MAGI3: variants seen among roughly 807,000 people sequenced by gnomAD.
The protein encoded by MAGI3 is membrane associated guanylate kinase, WW and PDZ domain containing 3.
MAGI3 carries 43 observed loss-of-function variants against 121.8 expected under a neutral mutation model. The ratio of observed to expected loss-of-function variants is 0.35; its 90% confidence interval spans 0.28 to 0.46. The LOEUF (loss-of-function observed/expected upper bound fraction) is 0.46, where lower values mean the gene tolerates loss of function less well. Ranked by LOEUF, MAGI3 falls within the 20% of genes least tolerant of loss-of-function variation. The pLI is 1.00. For missense variants in MAGI3, 1,547 were observed against 1,797.3 expected, an observed-to-expected ratio of 0.86 and a Z score of 2.52; for synonymous variants, 553 against 639.3, an observed-to-expected ratio of 0.86 and a Z score of 2.04.
chr1:113,520,363 A>T (rs2101625299), intron 1 of MAGI3, among the ~76,000 whole-genome samples: 1 of 152,264 alleles, frequency 6.6e-6, no homozygotes, highest in East Asian at 1.9e-4. Flanking sequence ...GAAATGAATC[A>T]GGCATGATTC....
chr1:113,474,439 T>C (rs576638181), intron 1 of MAGI3, among the ~76,000 whole-genome samples: 1 of 152,336 alleles, frequency 6.6e-6, no homozygotes, highest in South Asian at 2.1e-4. Flanking sequence ...TTAATTTTTG[T>C]ATAAGGTGTA....
chr1:113,653,769 A>G (rs758421017), intron 14 of MAGI3, 61 bp from the exon 15 acceptor site: 58 of 1,395,378 alleles, frequency 4.2e-5, no homozygotes, highest in Non-Finnish European at 2.9e-6. Context: ...GCATAAAAAC[A>G]CTTTAGTCAC....
intron 1 of MAGI3, among the ~76,000 whole-genome samples, chr1:113,544,290 T>C (rs1246688631): frequency 6.6e-6 from 1 of 152,192 alleles, no homozygotes; most frequent in African/African-American, 2.4e-5. Context: ...CCTGGTCTAA[T>C]GGAAAAGGAC....
intron 1 of MAGI3, among the ~76,000 whole-genome samples, chr1:113,480,381 G>C (rs777215969): frequency 1.3e-5 from 2 of 152,182 alleles, no homozygotes; most frequent in Non-Finnish European, 2.9e-5. Context: ...TACAGTTAAG[G>C]GCTGTCTGGC....
chr1:113,427,775 T>A (rs1653084874), intron 1 of MAGI3, among the ~76,000 whole-genome samples: 1 of 152,220 alleles, frequency 6.6e-6, no homozygotes, highest in South Asian at 2.1e-4. Flanking sequence ...AAATATTTTA[T>A]TAATTTTAAT....
At chr1:113,671,990 A>T (rs1219704446) in intron 17 of MAGI3, among the ~76,000 whole-genome samples, 154 bp downstream of exon 17, 1 of 152,196 alleles carries the variant, frequency 6.6e-6, no homozygotes, top group Admixed American at 6.5e-5. Flanking sequence ...TGTTCCTCAA[A>T]TACCGTCCCC....
intron 1 of MAGI3, among the ~76,000 whole-genome samples, chr1:113,492,475 C>T (rs1241736790): frequency 1.3e-5 from 2 of 152,194 alleles, no homozygotes; most frequent in African/African-American, 4.8e-5. Context: ...AAGATGCCCT[C>T]TCTTGGCATC....
chr1:113,418,842 A>C (rs1652589704), intron 1 of MAGI3, among the ~76,000 whole-genome samples: 1 of 152,168 alleles, frequency 6.6e-6, no homozygotes, highest in African/African-American at 2.4e-5. Context: ...TATAATGACT[A>C]GTACACTAAA....
intron 1 of MAGI3, among the ~76,000 whole-genome samples, chr1:113,428,957 G>A (rs1265694681): frequency 6.6e-6 from 1 of 152,130 alleles, no homozygotes; most frequent in African/African-American, 2.4e-5. Flanking sequence ...AATTACACTA[G>A]CTACATTTTA....
chr1:113,407,572 CTT>C lies in MAGI3; in HGVS notation c.316+16234_316+16235del, dbSNP rs60748388. On this transcript the variant is annotated intron_variant, in intron 1 of 20. Coordinates refer to ENST00000307546, the MANE Select transcript of MAGI3 (RefSeq NM_001142782.2). ...CCTATTCCTCCATCCATCAATCTGT[CTT>C]TTTTTTTTTTATGCCTTTCAATGTA... Among the ~76,000 whole-genome samples the C allele has an allele frequency of 3.3e-3, 487 of 146,956 alleles. 12 individuals carry two copies. The highest frequency in any genetic ancestry group is 0.02 in the Admixed American group (304 of 14,864).
intron 1 of MAGI3, among the ~76,000 whole-genome samples, chr1:113,487,539 A>C (rs1469158980): frequency 6.6e-6 from 1 of 152,166 alleles, no homozygotes; most frequent in African/African-American, 2.4e-5. Flanking sequence ...ACTAGGCATA[A>C]ATGTATTAAT....
rs958841816 is a variant in MAGI3 at position 113,683,037 on chromosome 1, T to C, written c.3469T>C (p.Cys1157Arg). The C allele has an allele frequency of 1.9e-6, 3 of 1,613,692 alleles. No individual in the cohort carries two copies. Among genetic ancestry groups the C allele is most frequent in the South Asian group, 1.1e-5 (1 of 91,030 alleles). The stretch of plus-strand genomic sequence containing the variant: ...TGAAGAATCTTTGAGAGTTCAGATA[T>C]GTGAAAAGGCAGAAGAATTAAAGGA... Reference protein sequence around the residue: ...VIEESLRVQICEKAEELKDIV... With the variant: ...VIEESLRVQIREKAEELKDIV... The change falls in exon 21 of 21, where the codon TGT becomes CGT. Residue 1157 changes from cysteine (C) to arginine (R), a missense_variant. Transcript: ENST00000307546.
intron 1 of MAGI3, among the ~76,000 whole-genome samples, chr1:113,513,346 T>G (rs549078216): frequency 2.7e-4 from 41 of 152,274 alleles, no homozygotes; most frequent in South Asian, 6.2e-4. Context: ...AGAACAAAGC[T>G]GGAGGCATCA....
At chr1:113,672,299 C>G (rs1647606265) in intron 17 of MAGI3, among the ~76,000 whole-genome samples, 1 of 152,110 alleles carries the variant, frequency 6.6e-6, no homozygotes, top group African/African-American at 2.4e-5. Flanking sequence ...GCAGGAGAGC[C>G]ATTTTTCACT....
At chr1:113,648,214 A>G (rs747929732) in intron 12 of MAGI3, among the ~76,000 whole-genome samples, 14 of 152,148 alleles carry the variant, frequency 9.2e-5, no homozygotes, top group Non-Finnish European at 1.2e-4. Flanking sequence ...AAGTTCTACA[A>G]TTTTAATAGG....
At chr1:113,433,924 G>A (rs1422156748) in intron 1 of MAGI3, among the ~76,000 whole-genome samples, 1 of 152,070 alleles carries the variant, frequency 6.6e-6, no homozygotes, top group Non-Finnish European at 1.5e-5. Context: ...GATTACTTAT[G>A]TATTTTCTTA....
intron 3 of MAGI3, 135 bp from the exon 4 acceptor site, chr1:113,585,252 G>A (rs1046211308): frequency 4.0e-6 from 3 of 744,990 alleles, no homozygotes; most frequent in Non-Finnish European, 6.6e-6. Context: ...ACAAGTGTGA[G>A]CCACCATGCC....
intron 1 of MAGI3, among the ~76,000 whole-genome samples, chr1:113,395,100 T>G (rs1159176633): frequency 2.1e-5 from 3 of 144,398 alleles, no homozygotes; most frequent in African/African-American, 5.1e-5. Context: ...TTTTTTTTTT[T>G]TTTTTTTTTT....
chr1:113,427,282 A>T (rs537244688), intron 1 of MAGI3, among the ~76,000 whole-genome samples: 7 of 152,354 alleles, frequency 4.6e-5, no homozygotes, highest in African/African-American at 1.4e-4. Flanking sequence ...GATGCATCTC[A>T]GGAGAGACGC....
Sources: allele counts gnomAD v4.1 joint callset (sites outside exome capture counted in the v4.1 genomes callset), GRCh38; gene constraint gnomAD v4.1.1; transcripts MANE v1.5; gene names NCBI Gene and HGNC (gene_info 2026-07-23, HGNC 2026-07-21).